The following A2M variants were observed in gnomAD, a reference collection of about 807,000 sequenced individuals.
A2M encodes the protein alpha-2-macroglobulin, also known as C3 and PZP-like alpha-2-macroglobulin domain-containing protein 5.
A2M carries 128 observed loss-of-function variants against 183.9 expected under a neutral mutation model. That is an observed-to-expected ratio of 0.70 (90% CI 0.60 to 0.81). The LOEUF (loss-of-function observed/expected upper bound fraction) is 0.81, where lower values mean the gene tolerates loss of function less well. Ranked by LOEUF, A2M falls within the 30% of genes least tolerant of loss-of-function variation. A2M has a pLI of 0.00. For synonymous variants in A2M, 592 were observed against 670.8 expected (o/e 0.88, Z 1.81); for missense variants, 1,495 against 1,787.6 (o/e 0.84, Z 2.95).
intron 17 of A2M, among the ~76,000 whole-genome samples, chr12:9,094,295 G>A: frequency 6.8e-6 from 1 of 146,480 alleles, no homozygotes; most frequent in East Asian, 2.0e-4. Context: ...TTAAGGGTGT[G>A]CTGGTCAATA....
Position 9,112,415 on chromosome 12 carries a change from A to G in A2M, c.392T>C (p.Val131Ala), listed in dbSNP as rs781127480. ...MVKNEDSLVFVQTDKSIYKPG... is the reference protein window; with the variant it reads ...MVKNEDSLVFAQTDKSIYKPG... ...TTTGTAGATTGATTTGTCTGTCTGG[A>G]CAAAGACCAGACTGTCCTCGTTCTT... Residue 131 changes from valine (V) to alanine (A), a missense_variant, in exon 3 of 36, where the codon GTC becomes GCC. Transcript: ENST00000318602. 7 of 1,613,590 alleles carry G rather than the reference A, an allele frequency of 4.3e-6. No homozygotes were observed. The highest frequency in any genetic ancestry group is 5.9e-6 in the Non-Finnish European group (7 of 1,179,658).
chr12:9,089,793 T>G (rs1414087879), intron 21 of A2M, 109 bp downstream of exon 21: 13 of 801,912 alleles, frequency 1.6e-5, no homozygotes, highest in Non-Finnish European at 2.3e-5. Flanking sequence ...AAGAGAGAGA[T>G]AGGACAGAGA....
Position 9,084,367 on chromosome 12 carries a change from C to T in A2M, c.2771-4190G>A, listed in dbSNP as rs1451553198. 3.3e-5 allele frequency among the ~76,000 whole-genome samples: 5 copies of T among 152,052 alleles called. No homozygotes were observed. The East Asian group carries it at 9.6e-4, about 29-fold the overall frequency. On this transcript the variant is annotated intron_variant, in intron 22 of 35. Coordinates refer to ENST00000318602, the MANE Select transcript of A2M (RefSeq NM_000014.6). ...GGGTTAAAAGACAAAATATTAATAA[C>T]AAGCATAGCTAAAAATAAATTGTCA...
At chr12:9,090,059 T>A in intron 20 of A2M, 36 bp from the exon 21 acceptor site, 2 of 1,570,474 alleles carry the variant, frequency 1.3e-6, no homozygotes, top group Non-Finnish European at 1.7e-6. Flanking sequence ...AATAGCATCT[T>A]CCCCTTCCTC....
At chr12:9,084,008 GA>G (rs1194221995) in intron 22 of A2M, among the ~76,000 whole-genome samples, 2 of 152,154 alleles carry the variant, frequency 1.3e-5, no homozygotes, top group Non-Finnish European at 1.5e-5. Flanking sequence ...CCGGCAGGCT[GA>G]GGGAGAGTGG....
chr12:9,089,657 C>G (rs1397912203), intron 21 of A2M, among the ~76,000 whole-genome samples: 1 of 152,092 alleles, frequency 6.6e-6, no homozygotes, highest in African/African-American at 2.4e-5. Flanking sequence ...ACGAGAATTG[C>G]TTGAACCCAG....
chr12:9,116,172 C>T (rs966935857), upstream of A2M: 4 of 350,568 alleles, frequency 1.1e-5, no homozygotes, highest in African/African-American at 2.1e-5. Context: ...TCTTCTCTCC[C>T]TCACTCCCCC....
intron 1 of A2M, chr12:9,115,032 A>G (rs1248905007): frequency 3.9e-5 from 6 of 152,166 alleles, no homozygotes; most frequent in Non-Finnish European, 8.8e-5. Context: ...TTCTGTTACT[A>G]TTTTTGTTTT....
At chr12:9,098,372 TTTTA>T (rs2137857495) in intron 15 of A2M, 1 of 234,252 alleles carries the variant, frequency 4.3e-6, no homozygotes, top group Admixed American at 5.7e-5. Context: ...TTAAAAATTC[TTTTA>T]TTTGATTCAA....
At chr12:9,077,300 T>A (rs770309922) in intron 27 of A2M, 46 bp downstream of exon 27, 1 of 1,540,354 alleles carries the variant, frequency 6.5e-7, no homozygotes, top group Non-Finnish European at 8.9e-7. Context: ...AGCAGTTTCA[T>A]TGCATCCAGA....
Position 9,109,221 on chromosome 12 carries a change from T to C in A2M, c.758+100A>G, listed in dbSNP as rs1938537897. 4 of 848,272 alleles carry C rather than the reference T, an allele frequency of 4.7e-6. No homozygotes were observed. In the African/African-American group the frequency reaches 6.8e-5, roughly 14 times the overall value. The allele number at this position is 848,272 out of a possible 1,614,324, so 52.5% of individuals were successfully genotyped here. A position where few individuals can be genotyped will look rare whatever the true frequency, so the allele number is the denominator to read the frequency against. On this transcript the variant is annotated intron_variant, in intron 7 of 35. Coordinates refer to ENST00000318602, the MANE Select transcript of A2M (RefSeq NM_000014.6). Reference sequence around the variant, plus strand: ...GATGCTGTCAAAGCACTTAAAATTTTTGTGTTGCCACTGCTCCCGGAGAGA... The same window carrying C: ...GATGCTGTCAAAGCACTTAAAATTTCTGTGTTGCCACTGCTCCCGGAGAGA...
intron 18 of A2M, among the ~76,000 whole-genome samples, chr12:9,092,471 C>T (rs1053269226): frequency 7.9e-5 from 12 of 152,064 alleles, no homozygotes; most frequent in African/African-American, 2.9e-4. Context: ...TTCTGGCTGT[C>T]TCCTAAGGGT....
chr12:9,100,005 T>C (rs951322192), intron 13 of A2M, among the ~76,000 whole-genome samples: 3 of 152,234 alleles, frequency 2.0e-5, no homozygotes, highest in Admixed American at 6.5e-5. Flanking sequence ...TCCTTCAGTC[T>C]GCTATGGTGC....
chr12:9,079,081 G>T (rs1948829630), intron 25 of A2M, among the ~76,000 whole-genome samples, 163 bp downstream of exon 25: 1 of 151,378 alleles, frequency 6.6e-6, no homozygotes, highest in African/African-American at 2.4e-5. Context: ...TGGATATCAG[G>T]TTTTCTTCTG....
At chr12:9,090,843 C>A (rs1490754938) in intron 19 of A2M, among the ~76,000 whole-genome samples, 1 of 152,136 alleles carries the variant, frequency 6.6e-6, no homozygotes, top group African/African-American at 2.4e-5. Context: ...AGGTAAGATG[C>A]TCACAAACGA....
Position 9,068,167 on chromosome 12 carries a change from AGT to A in A2M, c.4408+14_4408+15del. The A allele has an allele frequency of 6.2e-7, 1 of 1,612,818 alleles. No homozygotes were observed. Among genetic ancestry groups the A allele is most frequent in the Non-Finnish European group, 8.5e-7 (1 of 1,179,586 alleles). On this transcript the variant is annotated intron_variant, in intron 35 of 35. Transcript: ENST00000318602. ...AGGAGCTCTGACTGCCTTTTGGAGG[AGT>A]GTGAGTGGCTTACCTTTGCTGCAAG...
intron 13 of A2M, among the ~76,000 whole-genome samples, chr12:9,100,581 C>T (rs187407628): frequency 1.5e-4 from 23 of 152,012 alleles, no homozygotes; most frequent in Admixed American, 2.6e-4. Flanking sequence ...AGCTGGCCCA[C>T]ACCAATATTT....
chr12:9,084,321 G>A (rs780842179), intron 22 of A2M, among the ~76,000 whole-genome samples: 23 of 152,200 alleles, frequency 1.5e-4, no homozygotes, highest in African/African-American at 5.1e-4. Flanking sequence ...GGTATTTAAA[G>A]CAATTTTATC....
At chr12:9,107,723 A>C in intron 7 of A2M, 79 bp from the exon 8 acceptor site, 1 of 1,539,716 alleles carries the variant, frequency 6.5e-7, no homozygotes, top group Non-Finnish European at 8.9e-7. Flanking sequence ...TCTCCCCTTT[A>C]GCTACAGTAT....
Sources: gnomAD v4.1 joint callset for allele counts (sites outside exome capture counted in the v4.1 genomes callset) on GRCh38, gnomAD v4.1.1 for gene constraint, MANE v1.5 for transcripts, NCBI Gene and HGNC (gene_info 2026-07-23, HGNC 2026-07-21) for gene names.